Variants in BMP6 observed in about 807,000 individuals in gnomAD.
BMP6 encodes bone morphogenetic protein 6, also known as VG-1-R.
Under a neutral mutation model 54.1 loss-of-function variants are expected in BMP6, and 17 were observed. The observed-to-expected ratio is 0.31, with a 90% CI of 0.22 to 0.47. The LOEUF (loss-of-function observed/expected upper bound fraction) is 0.47, where lower values mean the gene tolerates loss of function less well. Among genes scored for constraint, BMP6 ranks in the 20% least tolerant of loss-of-function variants. The probability of loss-of-function intolerance (pLI) is 1.00; values close to 1 mark genes in which losing one functional copy is unlikely to be tolerated. For synonymous variants in BMP6, 328 were observed against 291.2 expected (o/e 1.13, Z -1.28); for missense variants, 720 against 690.4 (o/e 1.04, Z -0.48).
chr6:7,759,687 T>C (rs1367373341), intron 1 of BMP6, among the ~76,000 whole-genome samples: 1 of 134,196 alleles, frequency 7.5e-6, no homozygotes, highest in African/African-American at 2.9e-5. Context: ...GACTAATTTC[T>C]TTCTTCTTCT....
chr6:7,748,949 C>T (rs573343612), intron 1 of BMP6, among the ~76,000 whole-genome samples: 1 of 152,332 alleles, frequency 6.6e-6, no homozygotes, highest in Non-Finnish European at 1.5e-5. Context: ...TCGAGAAATC[C>T]TGTATTATTT....
rs551476778 is a variant in BMP6 at position 7,783,570 on chromosome 6, C to T, written c.664+55951C>T. 2.2e-3 allele frequency among the ~76,000 whole-genome samples: 340 copies of T among 152,342 alleles called. 1 individual carries two copies. Among genetic ancestry groups the T allele is most frequent in the South Asian group, 3.7e-3 (18 of 4,832 alleles). On this transcript the variant is annotated intron_variant, in intron 1 of 6. Coordinates refer to ENST00000283147, the MANE Select transcript of BMP6 (RefSeq NM_001718.6). ...ATTCGTAAGAACTATCAGATACGTA[C>T]GATAAATCACGCCAAGGGCGCAATA...
intron 1 of BMP6, among the ~76,000 whole-genome samples, chr6:7,791,947 C>A (rs1265131442): frequency 6.6e-6 from 1 of 152,108 alleles, no homozygotes; most frequent in East Asian, 1.9e-4. Context: ...CTCATAAGAA[C>A]AGGTTAGATT....
At chr6:7,808,253 A>G (rs1021343596) in intron 1 of BMP6, among the ~76,000 whole-genome samples, 2 of 152,194 alleles carry the variant, frequency 1.3e-5, no homozygotes, top group Non-Finnish European at 2.9e-5. Context: ...TATGCATATA[A>G]AGAGATTGCA....
At chr6:7,852,519 G>A (rs1246436101) in intron 2 of BMP6, among the ~76,000 whole-genome samples, 1 of 152,262 alleles carries the variant, frequency 6.6e-6, no homozygotes, top group Non-Finnish European at 1.5e-5. Flanking sequence ...TGAGGCTGCA[G>A]TGAGCTATGA....
intron 1 of BMP6, among the ~76,000 whole-genome samples, chr6:7,792,439 AT>A (rs945435373): frequency 6.6e-6 from 1 of 152,112 alleles, no homozygotes; most frequent in African/African-American, 2.4e-5. Flanking sequence ...TCTAAACAGT[AT>A]TTTACTATAT....
intron 1 of BMP6, among the ~76,000 whole-genome samples, chr6:7,755,110 T>G (rs1018662865): frequency 2.6e-5 from 4 of 152,246 alleles, no homozygotes; most frequent in Non-Finnish European, 5.9e-5. Flanking sequence ...AGTTAGGTCT[T>G]GTTTATTTCT....
intron 1 of BMP6, among the ~76,000 whole-genome samples, chr6:7,758,543 A>G (rs1757561097): frequency 6.6e-6 from 1 of 152,314 alleles, no homozygotes; most frequent in South Asian, 2.1e-4. Context: ...TATTTAAAAC[A>G]AGATCAACAA....
intron 2 of BMP6, among the ~76,000 whole-genome samples, chr6:7,858,042 C>G (rs1581280667): frequency 6.6e-6 from 1 of 152,262 alleles, no homozygotes; most frequent in Admixed American, 6.5e-5. Context: ...TGCACGCACT[C>G]TCATACCTAC....
At chr6:7,739,368 A>G (rs1025313312) in intron 1 of BMP6, among the ~76,000 whole-genome samples, 4 of 152,164 alleles carry the variant, frequency 2.6e-5, no homozygotes, top group Non-Finnish European at 4.4e-5. Flanking sequence ...TCCTTCTCCA[A>G]ATATTCTGGA....
At chr6:7,838,638 C>G (rs1478187193) in intron 1 of BMP6, among the ~76,000 whole-genome samples, 1 of 152,192 alleles carries the variant, frequency 6.6e-6, no homozygotes, top group Admixed American at 6.5e-5. Flanking sequence ...GTGAATGTAT[C>G]ACCATTAAGA....
chr6:7,750,783 A>G (rs1030534332), intron 1 of BMP6, among the ~76,000 whole-genome samples: 4 of 152,178 alleles, frequency 2.6e-5, no homozygotes, highest in Admixed American at 1.3e-4. Flanking sequence ...ATTTCTTTTT[A>G]AGTCAGGTTT....
rs183214932 is a variant in BMP6, at chr6:7,760,738, G to A, written c.664+33119G>A. On this transcript the variant is annotated intron_variant, in intron 1 of 6. Transcript: ENST00000283147. ...CTGCCTTAGCCTCCCAAAGTGCGGGGATTACAGGCGTGAGCCACCGTGCCT... is the reference window on the plus strand; with the variant it reads ...CTGCCTTAGCCTCCCAAAGTGCGGGAATTACAGGCGTGAGCCACCGTGCCT... 5.0e-3 allele frequency among the ~76,000 whole-genome samples: 763 copies of A among 152,340 alleles called. 9 individuals carry two copies. Among genetic ancestry groups the A allele is most frequent in the African/African-American group, 0.018 (730 of 41,576 alleles).
chr6:7,855,395 C>T (rs1445469033), intron 2 of BMP6, among the ~76,000 whole-genome samples: 1 of 152,004 alleles, frequency 6.6e-6, no homozygotes, highest in Non-Finnish European at 1.5e-5. Context: ...TGTGTTAAGC[C>T]CCCGCAGGGG....
At chr6:7,779,644 G>A (rs547799274) in intron 1 of BMP6, among the ~76,000 whole-genome samples, 45 of 152,154 alleles carry the variant, frequency 3.0e-4, no homozygotes, top group African/African-American at 1.0e-3. Context: ...CCAGCCAATA[G>A]TGCACTTATT....
chr6:7,814,613 TCTCA>T (rs1175164368), intron 1 of BMP6, among the ~76,000 whole-genome samples: 1 of 152,176 alleles, frequency 6.6e-6, no homozygotes, highest in Non-Finnish European at 1.5e-5. Flanking sequence ...TTCCTCTCAT[TCTCA>T]CTCTTCAAGC....
At chr6:7,727,928 G>A (rs960162081) in intron 1 of BMP6, among the ~76,000 whole-genome samples, 2 of 125,112 alleles carry the variant, frequency 1.6e-5, no homozygotes, top group Non-Finnish European at 3.8e-5. Context: ...CACGTTCCGC[G>A]CTTTTTTTCA....
chr6:7,861,763 C>T (rs1581283388), intron 3 of BMP6, among the ~76,000 whole-genome samples, 164 bp downstream of exon 3: 2 of 152,168 alleles, frequency 1.3e-5, no homozygotes, highest in African/African-American at 4.8e-5. Flanking sequence ...AAAACCTTTC[C>T]CGGAGGCCTC....
At chr6:7,864,225 A>G (rs192409556) in intron 4 of BMP6, among the ~76,000 whole-genome samples, 128 of 152,312 alleles carry the variant, frequency 8.4e-4, no homozygotes, top group African/African-American at 2.9e-3. Flanking sequence ...TTGAGAATCA[A>G]CCATAAAGGT....
Sources: gnomAD v4.1 joint callset for allele counts (sites outside exome capture counted in the v4.1 genomes callset) on GRCh38, gnomAD v4.1.1 for gene constraint, MANE v1.5 for transcripts, NCBI Gene and HGNC (gene_info 2026-07-23, HGNC 2026-07-21) for gene names.